Variants in TBC1D22A observed in about 807,000 individuals in gnomAD.
TBC1D22A encodes the protein putative GTPase activator.
TBC1D22A carries 38 observed loss-of-function variants against 60.2 expected under a neutral mutation model. That is an observed-to-expected ratio of 0.63 (90% confidence interval 0.49 to 0.83). The LOEUF is 0.83. Ranked by LOEUF, TBC1D22A falls within the 40% of genes least tolerant of loss-of-function variation. The pLI, the probability that TBC1D22A is intolerant of heterozygous loss-of-function variation, is 0.00. For synonymous variants in TBC1D22A, 302 were observed against 281.7 expected, an observed-to-expected ratio of 1.07 and a Z score of -0.72; for missense variants, 628 against 701.0, an observed-to-expected ratio of 0.90 and a Z score of 1.18.
At chr22:46,998,106 A>G (rs2075181173) in intron 10 of TBC1D22A, among the ~76,000 whole-genome samples, 1 of 152,076 alleles carries the variant, frequency 6.6e-6, no homozygotes, top group African/African-American at 2.4e-5. Context: ...CTAACTAATT[A>G]CTGAGTCTGG....
intron 5 of TBC1D22A, among the ~76,000 whole-genome samples, chr22:46,885,451 A>T (rs1362227455): frequency 6.6e-6 from 1 of 152,230 alleles, no homozygotes; most frequent in Admixed American, 6.5e-5. Flanking sequence ...TGTGTGAAGC[A>T]CGGAGCGTGG....
At chr22:46,849,390 A>G (rs1365852754) in intron 4 of TBC1D22A, among the ~76,000 whole-genome samples, 1 of 152,106 alleles carries the variant, frequency 6.6e-6, no homozygotes, top group Non-Finnish European at 1.5e-5. Context: ...TCTAGAACTG[A>G]TTAGTGGAGG....
In TBC1D22A at chr22:46,793,512, C is replaced by A; in HGVS notation, c.131C>A (p.Ser44Tyr). 1.2e-6 allele frequency: 2 copies of A among 1,614,184 alleles called. No individual in the cohort carries two copies. Among genetic ancestry groups the A allele is most frequent in the South Asian group, 2.2e-5 (2 of 91,078 alleles). ...CCTTTGCATTGCAGTTTGCTCAGGT[C>A]CACGGCCAAGATGCCGACCACACCA... ...DPLLHGTLLR[S>Y]TAKMPTTPVK... is the part of the protein sequence containing the mutation. The change falls in exon 3 of 13, where the codon TCC (serine) becomes TAC (tyrosine). Residue 44 changes from serine to tyrosine, a missense_variant. Coordinates refer to ENST00000337137, the MANE Select transcript of TBC1D22A (RefSeq NM_014346.5).
chr22:47,061,523 C>A (rs767852596), intron 11 of TBC1D22A, among the ~76,000 whole-genome samples: 26 of 152,120 alleles, frequency 1.7e-4, no homozygotes, highest in Non-Finnish European at 2.9e-4. Flanking sequence ...AGCGCAGATC[C>A]AAGGGTGGCT....
intron 4 of TBC1D22A, among the ~76,000 whole-genome samples, chr22:46,837,732 T>G (rs1263980590): frequency 1.3e-5 from 2 of 152,184 alleles, no homozygotes; most frequent in African/African-American, 4.8e-5. Context: ...AAAGTAGTTT[T>G]AAGAGGAAAG....
chr22:47,001,335 T>C (rs1455247244), intron 10 of TBC1D22A, among the ~76,000 whole-genome samples: 1 of 149,606 alleles, frequency 6.7e-6, no homozygotes, highest in East Asian at 1.9e-4. Context: ...TCCAAACACC[T>C]TTTTCAAATA....
At chr22:46,919,136 A>G (rs1389661619) in intron 8 of TBC1D22A, among the ~76,000 whole-genome samples, 3 of 152,198 alleles carry the variant, frequency 2.0e-5, no homozygotes, top group Admixed American at 1.3e-4. Flanking sequence ...TCCTATACTC[A>G]TTGGCAGTCA....
intron 8 of TBC1D22A, among the ~76,000 whole-genome samples, chr22:46,948,842 G>GTCAGAAAA (rs914148598): frequency 3.9e-5 from 6 of 152,324 alleles, no homozygotes; most frequent in South Asian, 2.1e-4. Context: ...TGCTACCGAA[G>GTCAGAAAA]TCAGAAAATC....
At chr22:47,118,193 C>G (rs2066138962) in intron 12 of TBC1D22A, among the ~76,000 whole-genome samples, 1 of 152,098 alleles carries the variant, frequency 6.6e-6, no homozygotes, top group Non-Finnish European at 1.5e-5. Context: ...TTTGGGAGTT[C>G]TGGGTGGAAT....
intron 4 of TBC1D22A, among the ~76,000 whole-genome samples, chr22:46,827,782 GA>G (rs1254888305): frequency 6.6e-6 from 1 of 152,142 alleles, no homozygotes; most frequent in Non-Finnish European, 1.5e-5. Context: ...GGGGTCCCAG[GA>G]TGATGGATGA....
At position 46,878,727 on chromosome 22, in the gene TBC1D22A, A is replaced by C. The variant is rs774112378; in HGVS notation, c.708+4A>C. ...AATGACGTGGAAGCTCCTCTCAGTAAGTCCCACCGCACCGCCCATCAGCGC... is the reference window on the plus strand; with the variant it reads ...AATGACGTGGAAGCTCCTCTCAGTACGTCCCACCGCACCGCCCATCAGCGC... On this transcript the variant is annotated splice_donor_region_variant and intron_variant, in intron 5 of 12. Coordinates refer to ENST00000337137, the MANE Select transcript of TBC1D22A (RefSeq NM_014346.5). The C allele has an allele frequency of 3.0e-5, 48 of 1,612,822 alleles. No homozygotes were observed. Among genetic ancestry groups the C allele is most frequent in the Non-Finnish European group, 3.8e-5 (45 of 1,179,756 alleles).
chr22:46,872,556 G>A (rs1489512755), intron 4 of TBC1D22A, among the ~76,000 whole-genome samples: 2 of 152,220 alleles, frequency 1.3e-5, no homozygotes, highest in African/African-American at 4.8e-5. Context: ...AGGCAGTGCA[G>A]GGCTGTGACC....
chr22:46,894,934 G>T, intron 7 of TBC1D22A, 88 bp downstream of exon 7: 1 of 1,465,690 alleles, frequency 6.8e-7, no homozygotes, highest in East Asian at 2.3e-5. Context: ...AGCCGGAGGT[G>T]CTTCACCCAG....
intron 8 of TBC1D22A, among the ~76,000 whole-genome samples, chr22:46,920,419 T>C (rs1254368277): frequency 6.6e-6 from 1 of 152,196 alleles, no homozygotes; most frequent in African/African-American, 2.4e-5. Context: ...CATTTAGTCA[T>C]GTCCTATGAC....
At chr22:46,818,203 G>A (rs543761057) in intron 4 of TBC1D22A, among the ~76,000 whole-genome samples, 1 of 152,272 alleles carries the variant, frequency 6.6e-6, no homozygotes, top group South Asian at 2.1e-4. Context: ...TAAGTTGCCT[G>A]TTCATTTTGA....
At chr22:46,930,910 A>G (rs2071322075) in intron 8 of TBC1D22A, among the ~76,000 whole-genome samples, 1 of 152,166 alleles carries the variant, frequency 6.6e-6, no homozygotes, top group Non-Finnish European at 1.5e-5. Flanking sequence ...CTAAATTTAC[A>G]GTTTGATTAA....
intron 11 of TBC1D22A, among the ~76,000 whole-genome samples, chr22:47,047,156 G>T (rs1045152944): frequency 6.6e-5 from 10 of 152,178 alleles, no homozygotes; most frequent in Non-Finnish European, 1.3e-4. Flanking sequence ...TGTGGCGGAG[G>T]AGGGCTCGGG....
intron 8 of TBC1D22A, among the ~76,000 whole-genome samples, chr22:46,922,979 G>T (rs2070842811): frequency 1.3e-5 from 2 of 152,190 alleles, no homozygotes; most frequent in Admixed American, 6.5e-5. Context: ...AGTTTTGAGA[G>T]TGGGCATCCT....
At chr22:46,891,479 A>G in intron 6 of TBC1D22A, 85 bp downstream of exon 6, 4 of 1,441,912 alleles carry the variant, frequency 2.8e-6, no homozygotes, top group Non-Finnish European at 3.7e-6. Context: ...TATCAAAACC[A>G]TGTGGAGTTG....
Sources: allele counts gnomAD v4.1 joint callset (sites outside exome capture counted in the v4.1 genomes callset), GRCh38; gene constraint gnomAD v4.1.1; transcripts MANE v1.5; gene names NCBI Gene and HGNC (gene_info 2026-07-23, HGNC 2026-07-21).